Variants in TANC2 observed in about 807,000 individuals in gnomAD.
TANC2 encodes the protein protein TANC2.
TANC2 carries 26 observed loss-of-function variants against 210.5 expected under a neutral mutation model. That is an observed-to-expected ratio of 0.12 (90% CI 0.09 to 0.17). TANC2 has a LOEUF of 0.17. Ranked by LOEUF, TANC2 falls within the 10% of genes least tolerant of loss-of-function variation. The pLI is 1.00. For missense variants in TANC2, 2,129 were observed against 2,608.9 expected, an observed-to-expected ratio of 0.82 and a Z score of 4.01; for synonymous variants, 931 against 967.1, an observed-to-expected ratio of 0.96 and a Z score of 0.69.
At chr17:63,321,149 G>C (rs2045480580) in intron 11 of TANC2, among the ~76,000 whole-genome samples, 1 of 151,810 alleles carries the variant, frequency 6.6e-6, no homozygotes, top group East Asian at 1.9e-4. Context: ...AGCTAGCCAA[G>C]ATTGCGCCAC....
chr17:63,247,415 C>CA (rs2042947505), intron 8 of TANC2, among the ~76,000 whole-genome samples: 1 of 151,660 alleles, frequency 6.6e-6, no homozygotes, highest in Non-Finnish European at 1.5e-5. Flanking sequence ...TGTTTTAACT[C>CA]AAGTATTGGA....
chr17:63,041,342 A>G (rs2035178694), intron 2 of TANC2, among the ~76,000 whole-genome samples: 1 of 152,146 alleles, frequency 6.6e-6, no homozygotes, highest in Non-Finnish European at 1.5e-5. Context: ...TCATGGATCT[A>G]AAATGTTATA....
intron 2 of TANC2, among the ~76,000 whole-genome samples, chr17:63,015,981 G>A (rs901729650): frequency 6.6e-6 from 1 of 152,006 alleles, no homozygotes; most frequent in Admixed American, 6.6e-5. Context: ...GTATGCTGGT[G>A]GGGGTGGGGA....
intron 7 of TANC2, among the ~76,000 whole-genome samples, chr17:63,227,258 G>A (rs1297615645): frequency 1.3e-5 from 2 of 152,104 alleles, no homozygotes; most frequent in African/African-American, 2.4e-5. Context: ...AGCCTTGCCA[G>A]TGTCTGTTGT....
intron 4 of TANC2, among the ~76,000 whole-genome samples, chr17:63,109,981 C>T (rs1477564090): frequency 2.0e-5 from 3 of 151,726 alleles, no homozygotes; most frequent in East Asian, 3.9e-4. Flanking sequence ...ACTTTATTTA[C>T]AGCCTGTCTG....
intron 4 of TANC2, among the ~76,000 whole-genome samples, chr17:63,145,404 A>G (rs117788029): frequency 1.8e-3 from 274 of 152,280 alleles, no homozygotes; most frequent in Non-Finnish European, 3.0e-3. Context: ...AAGATTCTGC[A>G]TATGAAAGCT....
intron 2 of TANC2, among the ~76,000 whole-genome samples, chr17:63,021,850 C>G (rs1174408264): frequency 6.6e-6 from 1 of 152,038 alleles, no homozygotes; most frequent in Non-Finnish European, 1.5e-5. Flanking sequence ...GAATCTGGAA[C>G]TTCTTTGAGA....
intron 14 of TANC2, among the ~76,000 whole-genome samples, chr17:63,362,503 A>T (rs903795666): frequency 2.0e-5 from 3 of 152,088 alleles, no homozygotes; most frequent in Non-Finnish European, 2.9e-5. Flanking sequence ...CATGGCACCC[A>T]GGCTGTTCAT....
chr17:63,005,895 T>C (rs1166567516), intron 1 of TANC2, among the ~76,000 whole-genome samples: 3 of 124,374 alleles, frequency 2.4e-5, no homozygotes, highest in Non-Finnish European at 5.0e-5. Flanking sequence ...GGCTGTATAG[T>C]TTGTGTGTGT....
intron 9 of TANC2, among the ~76,000 whole-genome samples, chr17:63,295,508 G>C (rs2044507924): frequency 6.6e-6 from 1 of 152,162 alleles, no homozygotes; most frequent in Non-Finnish European, 1.5e-5. Flanking sequence ...GACCTGAAGA[G>C]ATAAGTCTAT....
intron 1 of TANC2, among the ~76,000 whole-genome samples, chr17:62,968,292 G>A (rs899349312): frequency 3.9e-5 from 6 of 152,148 alleles, no homozygotes; most frequent in Non-Finnish European, 7.4e-5. Context: ...AATGTTTTAT[G>A]TTATAATTCT....
intron 2 of TANC2, among the ~76,000 whole-genome samples, chr17:63,042,687 T>G (rs2035236538): frequency 6.6e-6 from 1 of 152,170 alleles, no homozygotes; most frequent in African/African-American, 2.4e-5. Context: ...TTAGTATTTA[T>G]TTAGCCATCA....
At chr17:63,222,797 A>G (rs1408507445) in intron 7 of TANC2, among the ~76,000 whole-genome samples, 1 of 152,162 alleles carries the variant, frequency 6.6e-6, no homozygotes, top group African/African-American at 2.4e-5. Context: ...ATAGGCCCAA[A>G]TGAATTGAAA....
At chr17:62,993,058 C>A (rs140768950) in intron 1 of TANC2, among the ~76,000 whole-genome samples, 1 of 152,344 alleles carries the variant, frequency 6.6e-6, no homozygotes, top group African/African-American at 2.4e-5. Flanking sequence ...GTCATCACAT[C>A]TCCTCTTCTG....
intron 7 of TANC2, among the ~76,000 whole-genome samples, chr17:63,219,760 A>G (rs773103342): frequency 2.6e-5 from 4 of 152,220 alleles, no homozygotes; most frequent in Admixed American, 6.5e-5. Context: ...ATACCTATGT[A>G]ACAAACCTGC....
intron 7 of TANC2, among the ~76,000 whole-genome samples, chr17:63,228,314 G>A (rs1038053385): frequency 2.0e-5 from 3 of 152,182 alleles, no homozygotes; most frequent in Non-Finnish European, 4.4e-5. Flanking sequence ...CTAGTACCAT[G>A]CTGTTTTGGT....
At chr17:63,031,263 AAG>A (rs2034759824) in intron 2 of TANC2, among the ~76,000 whole-genome samples, 1 of 152,094 alleles carries the variant, frequency 6.6e-6, no homozygotes, top group African/African-American at 2.4e-5. Context: ...TTGTACCTGA[AAG>A]AGGTCAGGTT....
At chr17:63,331,884 G>GT in intron 11 of TANC2, 1 of 216,100 alleles carries the variant, frequency 4.6e-6, no homozygotes. Context: ...GTGTGTGTGT[G>GT]TGTGTGTATT....
exon 8 of TANC2, chr17:63,237,953 T>C: frequency 6.3e-7 from 1 of 1,589,464 alleles, no homozygotes; most frequent in East Asian, 2.3e-5. Flanking sequence ...ATCGAGTAGA[T>C]GAAAACATGA....
Sources: gnomAD v4.1 joint callset for allele counts (sites outside exome capture counted in the v4.1 genomes callset) on GRCh38, gnomAD v4.1.1 for gene constraint, MANE v1.5 for transcripts, NCBI Gene and HGNC (gene_info 2026-07-23, HGNC 2026-07-21) for gene names.